Variants in WDR47 observed in about 807,000 individuals in gnomAD.
WDR47 encodes the protein WD repeat domain 47, also known as WD repeat-containing protein 47.
In WDR47, 32 loss-of-function variants were observed where a neutral mutation model predicts 97.2. The ratio of observed to expected loss-of-function variants is 0.33; its 90% confidence interval spans 0.25 to 0.44. The LOEUF (loss-of-function observed/expected upper bound fraction) is 0.44. Ranked by LOEUF, WDR47 falls within the 20% of genes least tolerant of loss-of-function variation. WDR47 has a pLI of 1.00. For missense variants in WDR47, 782 were observed against 1,102.3 expected (o/e 0.71, Z 4.11); for synonymous variants, 375 against 373.5 (o/e 1.00, Z -0.05).
chr1:109,025,430 CAAAAA>C (rs34794200), intron 1 of WDR47, among the ~76,000 whole-genome samples: 31 of 101,758 alleles, frequency 3.0e-4, no homozygotes, highest in South Asian at 2.5e-3. Context: ...GACTCTGCCT[CAAAAA>C]AAAAAAAAAA....
At chr1:109,021,497 C>T (rs1226987566) in intron 2 of WDR47, among the ~76,000 whole-genome samples, 1 of 136,514 alleles carries the variant, frequency 7.3e-6, no homozygotes, top group Admixed American at 8.2e-5. Flanking sequence ...CACTGCACCC[C>T]AGCCTAGGTG....
intron 7 of WDR47, among the ~76,000 whole-genome samples, chr1:108,998,876 A>C (rs1659951057): frequency 2.0e-5 from 3 of 152,218 alleles, no homozygotes; most frequent in Non-Finnish European, 4.4e-5. Context: ...CCTTGATTTT[A>C]CATATCTTAA....
At chr1:108,997,572 C>G (rs549862654) in intron 7 of WDR47, among the ~76,000 whole-genome samples, 2 of 151,392 alleles carry the variant, frequency 1.3e-5, no homozygotes. Context: ...CTGGCTAACA[C>G]GGTGAAACCC....
At chr1:109,020,205 G>A (rs979625547) in intron 2 of WDR47, among the ~76,000 whole-genome samples, 1 of 151,406 alleles carries the variant, frequency 6.6e-6, no homozygotes, top group African/African-American at 2.4e-5. Flanking sequence ...AATTTCAAAG[G>A]CAAGCCCTTT....
At chr1:108,988,079 GAA>G (rs112511752) in intron 9 of WDR47, among the ~76,000 whole-genome samples, 6 of 136,984 alleles carry the variant, frequency 4.4e-5, no homozygotes, top group East Asian at 2.1e-4. Flanking sequence ...CTATAAAAAT[GAA>G]AAAAAAAAAA....
At chr1:109,005,961 CTGA>C (rs558790573) in intron 5 of WDR47, among the ~76,000 whole-genome samples, 91 of 152,210 alleles carry the variant, frequency 6.0e-4, no homozygotes, top group African/African-American at 2.1e-3. Context: ...TTAAAATAGG[CTGA>C]TGAATACAAA....
At chr1:108,997,494 T>C (rs1010325054) in intron 7 of WDR47, among the ~76,000 whole-genome samples, 2 of 150,662 alleles carry the variant, frequency 1.3e-5, no homozygotes, top group African/African-American at 4.9e-5. Context: ...CGGTGGCTCA[T>C]GCCTGTAATC....
chr1:109,025,773 G>A (rs140137405), intron 1 of WDR47, among the ~76,000 whole-genome samples: 6 of 151,988 alleles, frequency 3.9e-5, no homozygotes, highest in African/African-American at 7.2e-5. Flanking sequence ...AAAAAGTGGC[G>A]CTAGGGTAAA....
chr1:108,996,826 T>A (rs1237845243), intron 7 of WDR47, among the ~76,000 whole-genome samples: 1 of 152,148 alleles, frequency 6.6e-6, no homozygotes, highest in East Asian at 1.9e-4. Flanking sequence ...TTTTAAGATT[T>A]AGACTCATGG....
At chr1:108,985,976 CAAA>C (rs35165386) in intron 10 of WDR47, among the ~76,000 whole-genome samples, 1 of 96,164 alleles carries the variant, frequency 1.0e-5, no homozygotes, top group Non-Finnish European at 2.2e-5. Flanking sequence ...ATAGAGATAG[CAAA>C]AAAAAAAAAA....
chr1:109,041,204 C>T (rs1460064662), intron 1 of WDR47, among the ~76,000 whole-genome samples: 1 of 149,610 alleles, frequency 6.7e-6, no homozygotes, highest in Admixed American at 6.8e-5. Flanking sequence ...TAAAGGGAAG[C>T]GGTTTAACCC....
At chr1:109,028,073 G>C (rs1662334974) in intron 1 of WDR47, among the ~76,000 whole-genome samples, 1 of 152,154 alleles carries the variant, frequency 6.6e-6, no homozygotes, top group Non-Finnish European at 1.5e-5. Flanking sequence ...AAAATGAGAT[G>C]CACATATAAT....
chr1:108,980,037 A>C (rs979826917), intron 13 of WDR47, among the ~76,000 whole-genome samples: 2 of 152,132 alleles, frequency 1.3e-5, no homozygotes, highest in African/African-American at 4.8e-5. Flanking sequence ...TGCACATGTA[A>C]GGTATCTAGG....
chr1:109,007,796 AT>A (rs1660730174), intron 5 of WDR47, among the ~76,000 whole-genome samples: 1 of 152,182 alleles, frequency 6.6e-6, no homozygotes, highest in Non-Finnish European at 1.5e-5. Context: ...GTTCAGACCT[AT>A]GTCTGACTTT....
intron 14 of WDR47, among the ~76,000 whole-genome samples, chr1:108,973,239 A>C (rs1460289417): frequency 1.3e-5 from 2 of 152,108 alleles, no homozygotes; most frequent in Non-Finnish European, 2.9e-5. Context: ...AAGATGCACC[A>C]CTGCACTCCA....
chr1:108,999,750 T>C lies in WDR47; in HGVS notation c.1433+2474A>G, dbSNP rs1007168910. ...GGAAAGATGAACCTTCCCGAATAGT[T>C]TAGCTTTTTTTCTGAGGACGTACAT... is the stretch of plus-strand genomic sequence containing the variant. On this transcript the variant is annotated intron_variant, in intron 7 of 14. Transcript: ENST00000369962. 1.2e-4 allele frequency among the ~76,000 whole-genome samples: 19 copies of C among 152,214 alleles called. No homozygotes were observed. In the East Asian group the frequency reaches 3.7e-3, roughly 29 times the overall value.
At position 108,989,174 on chromosome 1, in the gene WDR47, C is replaced by T. The variant is rs765300255; in HGVS notation, c.1767+2080G>A. Among the ~76,000 whole-genome samples, 8 of 152,254 alleles carry T rather than the reference C, an allele frequency of 5.3e-5. 1 individual carries two copies. The highest frequency in any genetic ancestry group is 3.3e-4 in the Admixed American group (5 of 15,288). ...TACTACTGATGTCATTTGAAACCAC[C>T]GTGTTACCCTGACCAGGACTGACTG... On this transcript the variant is annotated intron_variant, in intron 9 of 14. Coordinates refer to ENST00000369962, the MANE Select transcript of WDR47 (RefSeq NM_001142551.2).
intron 8 of WDR47, among the ~76,000 whole-genome samples, chr1:108,994,556 C>T (rs1035280975): frequency 1.3e-5 from 2 of 151,770 alleles, no homozygotes; most frequent in African/African-American, 4.8e-5. Flanking sequence ...CCAGCCTAGG[C>T]AACATAGTGA....
At chr1:109,036,534 CAAA>C (rs34246298) in intron 1 of WDR47, among the ~76,000 whole-genome samples, 1 of 120,920 alleles carries the variant, frequency 8.3e-6, no homozygotes, top group African/African-American at 3.2e-5. Flanking sequence ...GACTCCGTCT[CAAA>C]AAAAAAAAAA....
Sources: allele counts gnomAD v4.1 joint callset (sites outside exome capture counted in the v4.1 genomes callset), GRCh38; gene constraint gnomAD v4.1.1; transcripts MANE v1.5; gene names NCBI Gene and HGNC (gene_info 2026-07-23, HGNC 2026-07-21).